Variants in KIAA1217 observed in about 807,000 individuals in gnomAD.
KIAA1217 encodes KIAA1217, also known as sickle tail protein homolog.
KIAA1217 carries 88 observed loss-of-function variants against 163.9 expected under a neutral mutation model. The observed-to-expected ratio is 0.54, with a 90% CI of 0.45 to 0.64. The LOEUF (loss-of-function observed/expected upper bound fraction) is 0.64. Among genes scored for constraint, KIAA1217 ranks in the 30% least tolerant of loss-of-function variants. The pLI is 0.00. For synonymous variants in KIAA1217, 903 were observed against 923.1 expected, an observed-to-expected ratio of 0.98 and a Z score of 0.39; for missense variants, 2,372 against 2,475.0, an observed-to-expected ratio of 0.96 and a Z score of 0.88.
chr10:23,792,285 C>G (rs1325174383), intron 1 of KIAA1217, among the ~76,000 whole-genome samples: 1 of 152,140 alleles, frequency 6.6e-6, no homozygotes. Context: ...CTTTAGATGT[C>G]TACAGAAGCC....
chr10:24,262,394 G>A (rs1030916913), intron 2 of KIAA1217, among the ~76,000 whole-genome samples: 1 of 152,164 alleles, frequency 6.6e-6, no homozygotes, highest in Non-Finnish European at 1.5e-5. Context: ...TTGGGAGGCC[G>A]AGGTGGGTGG....
intron 1 of KIAA1217, among the ~76,000 whole-genome samples, chr10:23,793,257 A>G (rs894196303): frequency 1.6e-4 from 25 of 152,286 alleles, no homozygotes; most frequent in African/African-American, 5.5e-4. Context: ...AAGTGAGTGG[A>G]GAGGACCCAG....
chr10:23,823,351 A>G (rs1837717807), intron 1 of KIAA1217, among the ~76,000 whole-genome samples: 1 of 152,216 alleles, frequency 6.6e-6, no homozygotes, highest in Admixed American at 6.5e-5. Context: ...GGGCTGCTCC[A>G]TCATGTGATT....
At chr10:23,752,878 C>T (rs1354862822) in intron 1 of KIAA1217, among the ~76,000 whole-genome samples, 3 of 152,184 alleles carry the variant, frequency 2.0e-5, no homozygotes, top group Non-Finnish European at 2.9e-5. Flanking sequence ...CTAAGCTACA[C>T]ATACTACAAT....
intron 1 of KIAA1217, among the ~76,000 whole-genome samples, chr10:23,855,422 A>G (rs1250343655): frequency 1.3e-5 from 2 of 152,102 alleles, no homozygotes; most frequent in Non-Finnish European, 2.9e-5. Flanking sequence ...GGGTAACCCG[A>G]CCTTTCTGTC....
intron 1 of KIAA1217, among the ~76,000 whole-genome samples, chr10:23,753,729 T>G (rs1316878053): frequency 6.6e-6 from 1 of 152,228 alleles, no homozygotes; most frequent in East Asian, 1.9e-4. Context: ...AATAACATTA[T>G]GTCTAAAATC....
In KIAA1217 at chr10:23,852,173, T is replaced by C. The variant is rs549967892; in HGVS notation, c.-320-155052T>C. Among the ~76,000 whole-genome samples, 140 of 152,274 alleles carry C rather than the reference T, an allele frequency of 9.2e-4. 1 individual carries two copies. The highest frequency in any genetic ancestry group is 3.4e-3 in the Middle Eastern group (1 of 294). On this transcript the variant is annotated intron_variant, in intron 1 of 18. Transcript: ENST00000376462. ...GTCTAAAGTTTAAGTCTTTAATCCA[T>C]CTTGAATTAATTTTTGTATCAGGTG...
intron 1 of KIAA1217, among the ~76,000 whole-genome samples, chr10:23,847,360 C>T (rs1384692557): frequency 6.6e-6 from 1 of 151,678 alleles, no homozygotes; most frequent in Non-Finnish European, 1.5e-5. Context: ...AATTCGGTCT[C>T]GTCCTAGACT....
At chr10:24,030,073 T>G (rs1401631516) in intron 2 of KIAA1217, among the ~76,000 whole-genome samples, 1 of 152,134 alleles carries the variant, frequency 6.6e-6, no homozygotes, top group Non-Finnish European at 1.5e-5. Context: ...TATCTAACCC[T>G]CATTTCATAG....
At chr10:24,139,272 A>G (rs759267202) in intron 2 of KIAA1217, among the ~76,000 whole-genome samples, 12 of 152,144 alleles carry the variant, frequency 7.9e-5, no homozygotes, top group Non-Finnish European at 1.5e-4. Flanking sequence ...GGTATATGCT[A>G]TAACATATAA....
intron 1 of KIAA1217, among the ~76,000 whole-genome samples, chr10:23,792,176 CCT>C (rs1835979741): frequency 1.3e-5 from 2 of 152,172 alleles, no homozygotes; most frequent in Admixed American, 1.3e-4. Flanking sequence ...AACATTTAAC[CCT>C]GTCAGTGGGG....
At chr10:23,804,488 A>T (rs2130965117) in intron 1 of KIAA1217, among the ~76,000 whole-genome samples, 1 of 152,334 alleles carries the variant, frequency 6.6e-6, no homozygotes, top group South Asian at 2.1e-4. Flanking sequence ...AGATTCTGGG[A>T]CATGTGAATA....
intron 2 of KIAA1217, among the ~76,000 whole-genome samples, chr10:24,179,682 G>A (rs144769602): frequency 0.027 from 4,077 of 152,080 alleles, 81 homozygotes; most frequent in South Asian, 0.044. Flanking sequence ...TCCACCTCCC[G>A]GGTTCAAGTG....
At chr10:24,468,336 G>A (rs1231368235) in intron 5 of KIAA1217, among the ~76,000 whole-genome samples, 1 of 152,126 alleles carries the variant, frequency 6.6e-6, no homozygotes, top group Non-Finnish European at 1.5e-5. Context: ...TCTATATTGG[G>A]ATCATTGTGT....
At chr10:24,346,686 T>G (rs925594394) in intron 2 of KIAA1217, among the ~76,000 whole-genome samples, 59 of 145,740 alleles carry the variant, frequency 4.0e-4, no homozygotes, top group African/African-American at 1.4e-3. Flanking sequence ...TTCTTGTGCC[T>G]CAGCCTCCCA....
chr10:23,938,869 A>G lies in KIAA1217; in HGVS notation c.-320-68356A>G, dbSNP rs557029932. Among the ~76,000 whole-genome samples, 3 of 152,348 alleles carry G rather than the reference A, an allele frequency of 2.0e-5. No homozygotes were observed. The East Asian group carries it at 5.8e-4, about 29-fold the overall frequency. On this transcript the variant is annotated intron_variant, in intron 1 of 18. Coordinates refer to the KIAA1217 transcript ENST00000376462. ...TTCACAAGGTATGACATTCAATAAA[A>G]ATTAACAGTTGTGGAAGAAAGCAGG...
At chr10:24,295,585 G>A (rs938634479) in intron 2 of KIAA1217, among the ~76,000 whole-genome samples, 2 of 152,008 alleles carry the variant, frequency 1.3e-5, no homozygotes, top group African/African-American at 4.8e-5. Context: ...TTTGTGTCCC[G>A]GGTGCTTCCC....
At chr10:24,140,291 C>T (rs564662706) in intron 2 of KIAA1217, among the ~76,000 whole-genome samples, 19 of 148,358 alleles carry the variant, frequency 1.3e-4, no homozygotes, top group African/African-American at 3.3e-4. Flanking sequence ...ACCCGGGAGG[C>T]GGAGGTTGCA....
At chr10:23,906,129 G>T (rs189420871) in intron 1 of KIAA1217, among the ~76,000 whole-genome samples, 2 of 152,130 alleles carry the variant, frequency 1.3e-5, no homozygotes, top group African/African-American at 4.8e-5. Flanking sequence ...ATCCATGAGG[G>T]CAGAGCCTTA....
Sources: gnomAD v4.1 joint callset for allele counts (sites outside exome capture counted in the v4.1 genomes callset) on GRCh38, gnomAD v4.1.1 for gene constraint, MANE v1.5 for transcripts, NCBI Gene and HGNC (gene_info 2026-07-23, HGNC 2026-07-21) for gene names.